Variants in VPS13C observed in about 807,000 individuals in gnomAD.
VPS13C encodes the protein vacuolar protein sorting 13 homolog C, also known as intermembrane lipid transfer protein VPS13C.
In VPS13C, 358 loss-of-function variants were observed where a neutral mutation model predicts 456.8. That is an observed-to-expected ratio of 0.78 (90% confidence interval 0.72 to 0.86). The LOEUF (loss-of-function observed/expected upper bound fraction) is 0.86, where lower values mean the gene tolerates loss of function less well. Among genes scored for constraint, VPS13C ranks in the 40% least tolerant of loss-of-function variants. VPS13C has a pLI of 0.00. For missense variants in VPS13C, 4,818 were observed against 4,385.4 expected, an observed-to-expected ratio of 1.10 and a Z score of -2.79; for synonymous variants, 1,578 against 1,486.7, an observed-to-expected ratio of 1.06 and a Z score of -1.41.
At chr15:61,993,350 AAT>A (rs1360393570) in intron 16 of VPS13C, among the ~76,000 whole-genome samples, 2 of 152,028 alleles carry the variant, frequency 1.3e-5, no homozygotes, top group Non-Finnish European at 2.9e-5. Context: ...AAAAATAGAT[AAT>A]ATATTTTTTT....
At chr15:61,922,251 A>C in intron 54 of VPS13C, 146 bp downstream of exon 54, 1 of 1,163,574 alleles carries the variant, frequency 8.6e-7, no homozygotes, top group South Asian at 1.6e-5. Flanking sequence ...TCAAAAAACA[A>C]TACATCGACA....
chr15:61,909,919 T>C (rs12915295), intron 64 of VPS13C, among the ~76,000 whole-genome samples: 57,365 of 141,968 alleles, frequency 0.4, 11,573 homozygotes, highest in Admixed American at 0.47. Flanking sequence ...TAGGTGGGAA[T>C]TGAACAATGA....
Position 62,023,498 on chromosome 15 carries a change from C to A in VPS13C, c.537G>T (p.Lys179Asn). Residue 179 changes from lysine (K) to asparagine (N), a missense_variant, in exon 8 of 85, where the codon AAG becomes AAT. Lys to Asn is a moderately conservative substitution (Grantham distance 94, BLOSUM62 0). Coordinates refer to ENST00000644861, the MANE Select transcript of VPS13C (RefSeq NM_020821.3). Reference protein sequence around the residue: ...RSKDKPKEAKKDTFVEKLATQ... With the variant: ...RSKDKPKEAKNDTFVEKLATQ... ...TTGCCAATTTTTCCACAAATGTATC[C>A]TTTTTGGCTTCTTTTGGCTTATCTA... is the stretch of plus-strand genomic sequence containing the variant. 1 of 1,574,568 alleles carries A rather than the reference C, an allele frequency of 6.4e-7. No homozygotes were observed. Among genetic ancestry groups the A allele is most frequent in the Non-Finnish European group, 8.6e-7 (1 of 1,164,602 alleles).
At chr15:61,908,590 G>A (rs991326128) in intron 65 of VPS13C, among the ~76,000 whole-genome samples, 3 of 152,052 alleles carry the variant, frequency 2.0e-5, no homozygotes, top group Non-Finnish European at 2.9e-5. Flanking sequence ...ATAGGAAGAG[G>A]TTCACTGAGC....
chr15:61,948,994 T>C (rs928902284), intron 42 of VPS13C, among the ~76,000 whole-genome samples: 3 of 152,186 alleles, frequency 2.0e-5, no homozygotes, highest in Admixed American at 6.5e-5. Flanking sequence ...TAGAAACCAA[T>C]ATGAGTGTGT....
intron 9 of VPS13C, 132 bp downstream of exon 9, chr15:62,020,347 G>A: frequency 1.6e-6 from 1 of 637,594 alleles, no homozygotes; most frequent in South Asian, 4.7e-5. Flanking sequence ...TTCTAGAAAA[G>A]TTGTTTAGCA....
At chr15:61,916,895 C>G (rs2043489947) in intron 60 of VPS13C, among the ~76,000 whole-genome samples, 1 of 151,882 alleles carries the variant, frequency 6.6e-6, no homozygotes. Context: ...TTTTTCCTAT[C>G]TTTTAGTTAA....
intron 9 of VPS13C, among the ~76,000 whole-genome samples, chr15:62,020,016 T>G (rs1410288330): frequency 1.3e-5 from 2 of 151,100 alleles, no homozygotes; most frequent in East Asian, 1.9e-4. Context: ...TGTCTACTGT[T>G]AAAGACCATT....
At position 61,952,298 on chromosome 15, in the gene VPS13C, G is replaced by A. The variant is rs574936945; in HGVS notation, c.4300-318C>T. Among the ~76,000 whole-genome samples the A allele has an allele frequency of 1.1e-4, 16 of 152,238 alleles. No individual in the cohort carries two copies. In the South Asian group the frequency reaches 2.5e-3, roughly 24 times the overall value. ...AAATGTCTTATGCACTGTAGGATAT[G>A]AGGCAGCATCCCTGGCCTCTACCTA... On this transcript the variant is annotated intron_variant, in intron 38 of 84. Transcript: ENST00000644861.
chr15:62,011,226 T>A (rs552685593), intron 12 of VPS13C, among the ~76,000 whole-genome samples: 94 of 152,212 alleles, frequency 6.2e-4, no homozygotes, highest in African/African-American at 2.2e-3. Context: ...CTATAAAAAC[T>A]GTGATATCTC....
At chr15:62,042,844 A>G (rs1374469246) in intron 2 of VPS13C, among the ~76,000 whole-genome samples, 1 of 151,930 alleles carries the variant, frequency 6.6e-6, no homozygotes, top group Admixed American at 6.6e-5. Context: ...GCAGCACACC[A>G]ACATGGCACA....
intron 9 of VPS13C, among the ~76,000 whole-genome samples, chr15:62,018,200 G>A (rs1165992904): frequency 6.6e-6 from 1 of 152,118 alleles, no homozygotes; most frequent in Non-Finnish European, 1.5e-5. Flanking sequence ...AGACGATGGG[G>A]TTTTCTAGAT....
chr15:61,914,334 C>T (rs954943170), intron 61 of VPS13C, among the ~76,000 whole-genome samples: 2 of 151,846 alleles, frequency 1.3e-5, no homozygotes, highest in South Asian at 4.2e-4. Context: ...TTTGAGAGGC[C>T]GAGGCTGGCA....
At chr15:61,893,405 CAG>C (rs1381051456) in intron 66 of VPS13C, among the ~76,000 whole-genome samples, 2 of 151,910 alleles carry the variant, frequency 1.3e-5, no homozygotes, top group Admixed American at 1.3e-4. Flanking sequence ...TCAAACATGA[CAG>C]AGAGATAAAG....
chr15:61,862,055 G>C (rs1174052693), intron 82 of VPS13C, among the ~76,000 whole-genome samples: 1 of 151,998 alleles, frequency 6.6e-6, no homozygotes, highest in Non-Finnish European at 1.5e-5. Context: ...AGCTGAGATC[G>C]CATCACTGGA....
chr15:61,922,876 A>G, intron 53 of VPS13C, 114 bp from the exon 54 acceptor site: 2 of 860,278 alleles, frequency 2.3e-6, no homozygotes, highest in Non-Finnish European at 3.1e-6. Flanking sequence ...TTTAAATTAA[A>G]TTTTAATTTT....
chr15:62,014,536 G>A (rs1482141903), intron 9 of VPS13C, among the ~76,000 whole-genome samples: 1 of 152,100 alleles, frequency 6.6e-6, no homozygotes, highest in Non-Finnish European at 1.5e-5. Context: ...CAGATCAGAG[G>A]TGGGAGGATA....
chr15:61,869,116 C>CTTTTTTTT (rs68084709), intron 80 of VPS13C, among the ~76,000 whole-genome samples: 79 of 131,268 alleles, frequency 6.0e-4, no homozygotes, highest in East Asian at 7.0e-4. Flanking sequence ...TTTCTTTTTT[C>CTTTTTTTT]TTTTTTTTTT....
Position 62,016,251 on chromosome 15 carries a change from T to A in VPS13C, c.685-2259A>T, listed in dbSNP as rs567948978. 1.2e-3 allele frequency among the ~76,000 whole-genome samples: 181 copies of A among 151,044 alleles called. 2 individuals carry two copies. The highest frequency in any genetic ancestry group is 2.7e-3 in the Admixed American group (41 of 15,156). On this transcript the variant is annotated intron_variant, in intron 9 of 84. Coordinates refer to ENST00000644861, the MANE Select transcript of VPS13C (RefSeq NM_020821.3). ...GTCTGGTATGATATATGGTTCACTG[T>A]CCTTAACTTTATTTTATATATATAT...
Sources: gnomAD v4.1 joint callset for allele counts (sites outside exome capture counted in the v4.1 genomes callset) on GRCh38, gnomAD v4.1.1 for gene constraint, MANE v1.5 for transcripts, NCBI Gene and HGNC (gene_info 2026-07-23, HGNC 2026-07-21) for gene names.